Variants in TAS2R1 observed in about 807,000 individuals in gnomAD.
The protein encoded by TAS2R1 is taste 2 receptor member 1, also known as taste receptor type 2 member 1.
For missense variants in TAS2R1, 370 were observed against 353.4 expected (o/e 1.05, Z -0.38); for synonymous variants, 141 against 134.2 (o/e 1.05, Z -0.35).
the TAS2R1 span, among the ~76,000 whole-genome samples, chr5:9,864,473 C>CAA: frequency 6.1e-5 from 9 of 148,374 alleles, no homozygotes; most frequent in East Asian, 1.2e-3. Context: ...CTCAAAACTA[C>CAA]AAAAAAAAAA....
At chr5:9,849,242 C>T in the TAS2R1 span, among the ~76,000 whole-genome samples, 1 of 152,202 alleles carries the variant, frequency 6.6e-6, no homozygotes, top group Non-Finnish European at 1.5e-5. Context: ...CCAGTGGGGC[C>T]ACCCCTGGTC....
At chr5:9,633,863 T>A (rs889612877), upstream of TAS2R1, among the ~76,000 whole-genome samples, 36 of 152,152 alleles carry the variant, frequency 2.4e-4, no homozygotes, top group African/African-American at 7.2e-4. Context: ...GTCAGATGCA[T>A]AATTTGTGAA....
chr5:9,668,351 T>C (rs1409830814), intron 1 of TAS2R1, among the ~76,000 whole-genome samples: 1 of 152,194 alleles, frequency 6.6e-6, no homozygotes, highest in Admixed American at 6.6e-5. Flanking sequence ...AAAATATCCT[T>C]AATTAAAATT....
chr5:9,655,158 G>C (rs957627171), intron 2 of TAS2R1, among the ~76,000 whole-genome samples: 1 of 152,160 alleles, frequency 6.6e-6, no homozygotes, highest in African/African-American at 2.4e-5. Context: ...GGGTTTATGG[G>C]AAGAATGAAC....
chr5:9,676,892 A>G (rs1740887566), intron 1 of TAS2R1, among the ~76,000 whole-genome samples: 1 of 152,194 alleles, frequency 6.6e-6, no homozygotes, highest in South Asian at 2.1e-4. Flanking sequence ...CAACCCAGCA[A>G]TCACATTACT....
At chr5:9,656,820 T>C (rs1740425505) in intron 2 of TAS2R1, among the ~76,000 whole-genome samples, 1 of 152,202 alleles carries the variant, frequency 6.6e-6, no homozygotes, top group Non-Finnish European at 1.5e-5. Context: ...GACCTGGCAG[T>C]TCAGTCTTGA....
the TAS2R1 span, among the ~76,000 whole-genome samples, chr5:9,755,678 C>T: frequency 3.3e-5 from 5 of 151,862 alleles, no homozygotes; most frequent in African/African-American, 7.3e-5. Flanking sequence ...GCTGGTTGTC[C>T]GTTTTTATAG....
the TAS2R1 span, among the ~76,000 whole-genome samples, chr5:9,757,745 T>A: frequency 9.8e-4 from 149 of 152,330 alleles, 1 homozygote; most frequent in African/African-American, 3.4e-3. Context: ...ACATTTAAAC[T>A]AGCACGCTGA....
At chr5:9,672,040 GA>G (rs1740777425) in intron 1 of TAS2R1, among the ~76,000 whole-genome samples, 1 of 152,036 alleles carries the variant, frequency 6.6e-6, no homozygotes, top group Non-Finnish European at 1.5e-5. Flanking sequence ...AGCAATAGGG[GA>G]AGGACTCCCT....
At chr5:9,759,933 T>G in the TAS2R1 span, among the ~76,000 whole-genome samples, 6 of 152,108 alleles carry the variant, frequency 3.9e-5, no homozygotes, top group African/African-American at 1.2e-4. Context: ...TCTTTGAAAA[T>G]ATAAATAAAC....
intron 1 of TAS2R1, among the ~76,000 whole-genome samples, chr5:9,684,561 G>A (rs932540931): frequency 3.9e-5 from 6 of 152,126 alleles, no homozygotes; most frequent in African/African-American, 1.4e-4. Flanking sequence ...TGCTAAGGCC[G>A]AAGTGCAACA....
At chr5:9,795,215 C>T in the TAS2R1 span, among the ~76,000 whole-genome samples, 3 of 152,206 alleles carry the variant, frequency 2.0e-5, no homozygotes, top group African/African-American at 7.2e-5. Context: ...CAACCAGAGG[C>T]AATTTATGAT....
chr5:9,878,815 T>A, the TAS2R1 span, among the ~76,000 whole-genome samples: 10 of 152,346 alleles, frequency 6.6e-5, no homozygotes, highest in East Asian at 1.7e-3. Flanking sequence ...CTGTGTCAAC[T>A]AAGCTGAGCT....
At chr5:9,775,337 T>C in the TAS2R1 span, among the ~76,000 whole-genome samples, 5 of 152,148 alleles carry the variant, frequency 3.3e-5, no homozygotes, top group African/African-American at 1.2e-4. Context: ...AGTGGGCTCC[T>C]TGCTGGCCCA....
intron 1 of TAS2R1, among the ~76,000 whole-genome samples, chr5:9,670,788 G>A (rs1275087366): frequency 1.3e-5 from 2 of 152,062 alleles, no homozygotes; most frequent in African/African-American, 2.4e-5. Flanking sequence ...CTAACTCATT[G>A]TATGAAGCCA....
In TAS2R1 at chr5:9,708,070, T is replaced by C. The variant is rs144555554; in HGVS notation, c.-242+4102A>G. ...ATTCTGTCTTTACGGCGCAAGCTCC[T>C]GGCCGCATAGATCAGCATTTGAAGG... On this transcript the variant is annotated intron_variant, in intron 1 of 2. Transcript: ENST00000506620. Among the ~76,000 whole-genome samples, 1,219 of 152,272 alleles carry C rather than the reference T, an allele frequency of 8.0e-3. 23 individuals carry two copies. Among genetic ancestry groups the C allele is most frequent in the African/African-American group, 0.028 (1,171 of 41,542 alleles).
intron 1 of TAS2R1, among the ~76,000 whole-genome samples, chr5:9,672,466 G>A (rs1740787141): frequency 3.3e-5 from 5 of 152,010 alleles, no homozygotes; most frequent in Admixed American, 3.3e-4. Flanking sequence ...ATCAAAAAGT[G>A]GGCAAGGACA....
chr5:9,796,097 A>G, the TAS2R1 span, among the ~76,000 whole-genome samples: 11 of 152,352 alleles, frequency 7.2e-5, no homozygotes, highest in African/African-American at 2.2e-4. Context: ...AATAAACTTC[A>G]TACAACAAAA....
the TAS2R1 span, among the ~76,000 whole-genome samples, chr5:9,839,249 G>A: frequency 1.1e-4 from 17 of 152,032 alleles, no homozygotes; most frequent in East Asian, 1.3e-3. Context: ...GCACAGACAC[G>A]GTAAAAGGAA....
Sources: gnomAD v4.1 joint callset for allele counts (sites outside exome capture counted in the v4.1 genomes callset) on GRCh38, gnomAD v4.1.1 for gene constraint, MANE v1.5 for transcripts, NCBI Gene and HGNC (gene_info 2026-07-23, HGNC 2026-07-21) for gene names.